NRXN3: variants seen among roughly 807,000 people sequenced by gnomAD.
The protein encoded by NRXN3 is neurexin 3, also known as neurexin III.
A neutral mutation model predicts 137.6 loss-of-function variants in NRXN3; 32 were observed. The observed-to-expected ratio is 0.23, with a 90% CI of 0.18 to 0.31. NRXN3 has a LOEUF of 0.31. Among genes scored for constraint, NRXN3 ranks in the 10% least tolerant of loss-of-function variants. NRXN3 has a pLI of 1.00. For missense variants in NRXN3, 1,574 were observed against 2,062.5 expected (o/e 0.76, Z 4.59); for synonymous variants, 798 against 784.5 (o/e 1.02, Z -0.29).
chr14:78,666,391 A>G (rs142861501), intron 6 of NRXN3, among the ~76,000 whole-genome samples: 1,691 of 152,322 alleles, frequency 0.011, 14 homozygotes, highest in South Asian at 0.027. Context: ...AAATGGTTAT[A>G]AGGTTTGAAA....
chr14:79,616,827 G>A (rs973331206), intron 16 of NRXN3, among the ~76,000 whole-genome samples: 1 of 152,098 alleles, frequency 6.6e-6, no homozygotes, highest in Non-Finnish European at 1.5e-5. Flanking sequence ...TTGGATAGTC[G>A]AACTCCTTCT....
chr14:78,571,940 G>C (rs1054507925), intron 4 of NRXN3, among the ~76,000 whole-genome samples: 1 of 152,098 alleles, frequency 6.6e-6, no homozygotes, highest in African/African-American at 2.4e-5. Context: ...CTGAGCAAAT[G>C]TATACACTGC....
intron 15 of NRXN3, among the ~76,000 whole-genome samples, chr14:79,262,434 G>C (rs541286545): frequency 1.7e-4 from 25 of 150,848 alleles, no homozygotes; most frequent in African/African-American, 5.9e-4. Context: ...AGAAGAGGAA[G>C]GAGGAGGAGA....
chr14:78,259,735 C>A (rs1010066550), intron 2 of NRXN3, among the ~76,000 whole-genome samples: 1 of 152,158 alleles, frequency 6.6e-6, no homozygotes, highest in African/African-American at 2.4e-5. Context: ...CTGCCTTCAA[C>A]TCTCTAGGAC....
chr14:79,273,892 C>T (rs1011236862), intron 15 of NRXN3, among the ~76,000 whole-genome samples: 1 of 151,330 alleles, frequency 6.6e-6, no homozygotes, highest in Non-Finnish European at 1.5e-5. Flanking sequence ...GTCAGGAGTT[C>T]GAGACCAGCC....
At chr14:79,552,682 G>C (rs550902425) in intron 16 of NRXN3, among the ~76,000 whole-genome samples, 21 of 152,210 alleles carry the variant, frequency 1.4e-4, no homozygotes, top group African/African-American at 4.8e-4. Context: ...GAGGAGATGA[G>C]TGGCCTGGAA....
intron 15 of NRXN3, among the ~76,000 whole-genome samples, chr14:79,178,823 A>G (rs1368629071): frequency 1.3e-5 from 2 of 152,196 alleles, no homozygotes; most frequent in Non-Finnish European, 2.9e-5. Context: ...AAGTGATAAG[A>G]TGACTTTACT....
intron 1 of NRXN3, among the ~76,000 whole-genome samples, chr14:78,230,646 G>A (rs980516291): frequency 6.6e-6 from 1 of 152,108 alleles, no homozygotes; most frequent in Non-Finnish European, 1.5e-5. Context: ...TCAGGCAGTG[G>A]GAAAAGAAAT....
chr14:78,606,710 T>C (rs1219843009), intron 4 of NRXN3, among the ~76,000 whole-genome samples: 2 of 152,218 alleles, frequency 1.3e-5, no homozygotes, highest in South Asian at 2.1e-4. Context: ...GCCAGGGCTT[T>C]CTTTCCCAGG....
intron 15 of NRXN3, among the ~76,000 whole-genome samples, chr14:79,365,801 T>C (rs1403925644): frequency 1.3e-5 from 2 of 149,950 alleles, no homozygotes; most frequent in Non-Finnish European, 3.0e-5. Context: ...TTGGCACAAA[T>C]TGCACTAATA....
chr14:78,551,468 A>G lies in NRXN3; in HGVS notation c.758-93652A>G, dbSNP rs138912417. On this transcript the variant is annotated intron_variant, in intron 4 of 20. Transcript: ENST00000335750. ...GTGACTCCCAGGGAGGATCATTTTA[A>G]TCAGCATACAATAGTTTGCTCTTCC... Among the ~76,000 whole-genome samples the G allele has an allele frequency of 3.1e-3, 479 of 152,202 alleles. 9 individuals carry two copies. Among genetic ancestry groups the G allele is most frequent in the African/African-American group, 0.011 (465 of 41,524 alleles).
intron 19 of NRXN3, among the ~76,000 whole-genome samples, chr14:79,758,891 A>T (rs1383289028): frequency 6.6e-6 from 1 of 152,326 alleles, no homozygotes; most frequent in Middle Eastern, 3.4e-3. Flanking sequence ...CTGCCCAGAG[A>T]AGTCATTTAA....
chr14:79,741,783 G>T (rs1013434248), intron 19 of NRXN3, among the ~76,000 whole-genome samples: 1 of 148,804 alleles, frequency 6.7e-6, no homozygotes, highest in African/African-American at 2.5e-5. Context: ...ACCATACCTG[G>T]CCAAAATGTG....
intron 15 of NRXN3, among the ~76,000 whole-genome samples, chr14:79,420,255 A>G (rs550104286): frequency 6.6e-6 from 1 of 152,176 alleles, no homozygotes; most frequent in Non-Finnish European, 1.5e-5. Context: ...AAACTGAGGT[A>G]CACAGTGAAG....
At chr14:78,753,781 C>G (rs2098654701) in intron 8 of NRXN3, 1 of 152,148 alleles carries the variant, frequency 6.6e-6, no homozygotes, top group Non-Finnish European at 1.5e-5. Context: ...ATCGATGGTG[C>G]AATAGACTCT....
chr14:79,649,758 C>G lies in NRXN3; in HGVS notation c.3445-14020C>G, dbSNP rs1408447031. Among the ~76,000 whole-genome samples, 4 of 152,292 alleles carry G rather than the reference C, an allele frequency of 2.6e-5. No individual in the cohort carries two copies. In the East Asian group the frequency reaches 7.7e-4, roughly 29 times the overall value. On this transcript the variant is annotated intron_variant, in intron 16 of 20. Transcript: ENST00000335750. ...TTATTTTTATACCAATAGTTTCAAT[C>G]TTCTAAACTTCTCCCATTCCTCTTT...
intron 4 of NRXN3, among the ~76,000 whole-genome samples, chr14:78,413,499 G>A (rs1436971078): frequency 6.6e-6 from 1 of 152,136 alleles, no homozygotes; most frequent in Admixed American, 6.6e-5. Context: ...TGGTCAGGCT[G>A]GTCTTGAACT....
chr14:78,884,740 A>T (rs1343203295), intron 10 of NRXN3, among the ~76,000 whole-genome samples: 1 of 152,146 alleles, frequency 6.6e-6, no homozygotes, highest in Non-Finnish European at 1.5e-5. Context: ...TGGTTAGTGA[A>T]GTGGTGAAGG....
intron 8 of NRXN3, among the ~76,000 whole-genome samples, chr14:78,740,792 C>T (rs2152926482): frequency 6.6e-6 from 1 of 152,180 alleles, no homozygotes; most frequent in Non-Finnish European, 1.5e-5. Flanking sequence ...TTCTCTGAGA[C>T]AGTATCTTAT....
Sources: allele counts gnomAD v4.1 joint callset (sites outside exome capture counted in the v4.1 genomes callset), GRCh38; gene constraint gnomAD v4.1.1; transcripts MANE v1.5; gene names NCBI Gene and HGNC (gene_info 2026-07-23, HGNC 2026-07-21).